The following AXL variants were observed in gnomAD, a reference collection of about 807,000 sequenced individuals.
AXL encodes AXL receptor tyrosine kinase.
AXL carries 52 observed loss-of-function variants against 104.5 expected under a neutral mutation model. The ratio of observed to expected loss-of-function variants is 0.50; its 90% CI spans 0.40 to 0.63. AXL has a LOEUF of 0.63. Ranked by LOEUF, AXL falls within the 20% of genes least tolerant of loss-of-function variation. The probability of loss-of-function intolerance (pLI) is 0.00; values close to 1 mark genes in which losing one functional copy is unlikely to be tolerated. For missense variants in AXL, 1,024 were observed against 1,188.5 expected (o/e 0.86, Z 2.04); for synonymous variants, 455 against 473.7 (o/e 0.96, Z 0.51).
intron 15 of AXL, 74 bp downstream of exon 15, chr19:41,252,517 G>A: frequency 1.3e-6 from 2 of 1,523,976 alleles, no homozygotes; most frequent in Non-Finnish European, 1.8e-6. Context: ...CCTGCTTCTG[G>A]CCCTGGGAAG....
At chr19:41,231,330 T>A (rs1461071920) in intron 6 of AXL, 32 bp downstream of exon 6, 1 of 1,575,456 alleles carries the variant, frequency 6.3e-7, no homozygotes, top group South Asian at 1.1e-5. Flanking sequence ...CATTTCAGTC[T>A]CAGGCCTCCT....
chr19:41,255,470 T>C (rs1449133796), intron 17 of AXL, among the ~76,000 whole-genome samples: 1 of 151,654 alleles, frequency 6.6e-6, no homozygotes, highest in Non-Finnish European at 1.5e-5. Flanking sequence ...TGACAGAGTC[T>C]TACTCTGTCC....
chr19:41,228,631 T>C (rs2033923945), intron 4 of AXL, among the ~76,000 whole-genome samples: 1 of 152,190 alleles, frequency 6.6e-6, no homozygotes, highest in African/African-American at 2.4e-5. Context: ...TCTACACCTA[T>C]GCCCAGGAAT....
rs55690306 is a variant in AXL at position 41,220,772 on chromosome 19, G to A, written c.222G>A (p.Gln74=). The A allele has an allele frequency of 1.9e-5, 31 of 1,614,194 alleles. No individual in the cohort carries two copies. The East Asian group carries it at 6.5e-4, about 34-fold the overall frequency. ...AGGTACATTGGCTTCGGGATGGACA[G>A]ATCCTGGAGCTCGCGGACAGCACCC... The part of the protein sequence containing the change: ...PPEVHWLRDG[Q]ILELADSTQT... Residue 74 remains glutamine, a synonymous_variant, in exon 2 of 20, where the codon CAG becomes CAA. Coordinates refer to ENST00000301178, the MANE Select transcript of AXL (RefSeq NM_021913.5).
At chr19:41,230,413 T>TCTCTATCTGGG (rs1248664941) in intron 4 of AXL, among the ~76,000 whole-genome samples, 1 of 150,224 alleles carries the variant, frequency 6.7e-6, no homozygotes, top group Non-Finnish European at 1.5e-5. Context: ...CTATCTGGGG[T>TCTCTATCTGGG]GTAAGAGTGA....
chr19:41,258,700 G>C (rs1190804673), intron 19 of AXL, among the ~76,000 whole-genome samples: 3 of 152,248 alleles, frequency 2.0e-5, no homozygotes, highest in Non-Finnish European at 4.4e-5. Flanking sequence ...ATAGGCATGA[G>C]CCTCCACGCC....
intron 15 of AXL, 134 bp downstream of exon 15, chr19:41,252,577 TC>T (rs905398240): frequency 4.5e-6 from 5 of 1,108,648 alleles, no homozygotes; most frequent in Non-Finnish European, 6.5e-6. Context: ...TCAGCAGGCT[TC>T]CCCCTCCTAG....
rs1599734445 is a variant in AXL, at chr19:41,239,859, T to G, written c.1312+139T>G. The G allele has an allele frequency of 3.9e-6, 5 of 1,276,878 alleles. No homozygotes were observed. The Admixed American group carries it at 8.5e-5, about 22-fold the overall frequency. The allele number at this position is 1,276,878 out of a possible 1,614,324, so 79.1% of individuals were successfully genotyped here. On this transcript the variant is annotated intron_variant, in intron 10 of 19. Coordinates refer to ENST00000301178, the MANE Select transcript of AXL (RefSeq NM_021913.5). ...TAACCTACTTCTTGAGTTTGTGTGG[T>G]CCTTGATGGAGGTGCCTATAATGGC...
intron 6 of AXL, among the ~76,000 whole-genome samples, chr19:41,237,550 G>A (rs541777659): frequency 3.3e-5 from 5 of 152,226 alleles, no homozygotes; most frequent in Admixed American, 6.5e-5. Flanking sequence ...GTCTATTTGC[G>A]TTATTATTGT....
In AXL at chr19:41,260,026, C is replaced by A. The variant is rs965540368; in HGVS notation, c.*122C>A. On this transcript the variant is annotated 3_prime_UTR_variant, in exon 20 of 20. Transcript: ENST00000301178. ...CCCACTTGCAGCCCTGTCTTCCTAC[C>A]TATCCCACCTCCATCCCAGACAGGT... 4.6e-6 allele frequency: 4 copies of A among 875,730 alleles called. No individual in the cohort carries two copies. The Admixed American group carries it at 9.2e-5, about 20-fold the overall frequency. 54.2% of individuals were successfully genotyped at this position (875,730 alleles called of 1,614,324 possible).
At chr19:41,231,448 A>ACC in intron 6 of AXL, 150 bp downstream of exon 6, 40 of 721,210 alleles carry the variant, frequency 5.5e-5, no homozygotes, top group Middle Eastern at 2.5e-4. Flanking sequence ...CCTGGGTTCG[A>ACC]ATCCTAGCTC....
intron 1 of AXL, among the ~76,000 whole-genome samples, chr19:41,219,905 C>T (rs1222353625): frequency 2.0e-5 from 3 of 151,822 alleles, no homozygotes; most frequent in South Asian, 4.2e-4. Context: ...GCCAACACCA[C>T]CCCCCTGACC....
chr19:41,248,627 A>G lies in AXL; in HGVS notation c.1633+18A>G, dbSNP rs1422731722. 1.9e-6 allele frequency: 3 copies of G among 1,613,634 alleles called. No homozygotes were observed. Among genetic ancestry groups the G allele is most frequent in the Non-Finnish European group, 2.5e-6 (3 of 1,179,600 alleles). ...GGGAGAGGGTGAGTCCCCCGGCAGC[A>G]TACACACATCCTTCTGAACTTCTGA... is the stretch of plus-strand genomic sequence containing the variant. On this transcript the variant is annotated intron_variant, in intron 13 of 19. Coordinates refer to ENST00000301178, the MANE Select transcript of AXL (RefSeq NM_021913.5).
intron 4 of AXL, among the ~76,000 whole-genome samples, chr19:41,222,419 G>A (rs534099206): frequency 6.6e-6 from 1 of 152,210 alleles, no homozygotes; most frequent in South Asian, 2.1e-4. Context: ...GAGTGCGTGT[G>A]GGCCTGGTGC....
chr19:41,243,499 T>C, intron 11 of AXL, 117 bp from the exon 12 acceptor site: 4 of 820,970 alleles, frequency 4.9e-6, no homozygotes, highest in Non-Finnish European at 8.6e-6. Flanking sequence ...GCTCAGCAAA[T>C]GTTAGCACAG....
At chr19:41,221,707 T>C (rs2033793761) in intron 3 of AXL, 173 bp from the exon 4 acceptor site, 4 of 630,550 alleles carry the variant, frequency 6.3e-6, no homozygotes, top group African/African-American at 3.7e-5. Context: ...GAATCAGATA[T>C]TGGGGTCACG....
chr19:41,246,348 G>A (rs2034269375), intron 12 of AXL, among the ~76,000 whole-genome samples: 1 of 151,946 alleles, frequency 6.6e-6, no homozygotes, highest in South Asian at 2.1e-4. Flanking sequence ...TTGGGAGGCT[G>A]AGGAAAGAGA....
At chr19:41,229,850 A>G (rs968340510) in intron 4 of AXL, among the ~76,000 whole-genome samples, 41 of 152,118 alleles carry the variant, frequency 2.7e-4, no homozygotes, top group African/African-American at 9.7e-4. Context: ...ATGTACAGCC[A>G]TGGGCCAGTT....
chr19:41,239,201 T>C lies in AXL; in HGVS notation c.1172T>C (p.Leu391Pro), dbSNP rs754930985. ...ATAGGGCTAAGGCAAGAGGTGACCC[T>C]GGAGCTGCAGGGGGACGGGTCTGTG... ...MDIGLRQEVT[L>P]ELQGDGSVSN... is the part of the protein sequence containing the mutation. Residue 391 changes from leucine to proline, a missense_variant, in exon 9 of 20, where the codon CTG becomes CCG. Transcript: ENST00000301178. 6.2e-7 allele frequency: 1 copy of C among 1,613,316 alleles called. No homozygotes were observed. Among genetic ancestry groups the C allele is most frequent in the East Asian group, 2.2e-5 (1 of 44,856 alleles).
Sources: allele counts gnomAD v4.1 joint callset (sites outside exome capture counted in the v4.1 genomes callset), GRCh38; gene constraint gnomAD v4.1.1; transcripts MANE v1.5; gene names NCBI Gene and HGNC (gene_info 2026-07-23, HGNC 2026-07-21).